ERCC8: variants seen among roughly 807,000 people sequenced by gnomAD.
ERCC8 encodes the protein ERCC excision repair 8, CSA ubiquitin ligase complex subunit.
In ERCC8, 52 loss-of-function variants were observed where a neutral mutation model predicts 54.9. The observed-to-expected ratio is 0.95, with a 90% confidence interval of 0.76 to 1.19. The LOEUF (loss-of-function observed/expected upper bound fraction) is 1.19, where lower values mean the gene tolerates loss of function less well. Ranked by LOEUF, ERCC8 falls within the 50% of genes most tolerant of loss-of-function variation. The probability of loss-of-function intolerance (pLI) is 0.00; values close to 1 mark genes in which losing one functional copy is unlikely to be tolerated. For synonymous variants in ERCC8, 146 were observed against 157.2 expected, an observed-to-expected ratio of 0.93 and a Z score of 0.53; for missense variants, 514 against 466.1, an observed-to-expected ratio of 1.10 and a Z score of -0.95.
chr5:60,913,424 G>C (rs1275571379), intron 4 of ERCC8, among the ~76,000 whole-genome samples: 1 of 151,964 alleles, frequency 6.6e-6, no homozygotes, highest in Non-Finnish European at 1.5e-5. Context: ...TATTTCTGTG[G>C]GATTGGTGGT....
chr5:60,938,090 A>AT (rs1353584586), intron 1 of ERCC8, among the ~76,000 whole-genome samples: 37 of 21,806 alleles, frequency 1.7e-3, no homozygotes, highest in Middle Eastern at 0.029. Context: ...TATATATTTT[A>AT]TTTTTTTTTT....
At chr5:60,929,206 C>G (rs889324926) in intron 1 of ERCC8, among the ~76,000 whole-genome samples, 2 of 152,092 alleles carry the variant, frequency 1.3e-5, no homozygotes, top group African/African-American at 4.8e-5. Flanking sequence ...AAGTTAAATT[C>G]TGATAAATGT....
Position 60,873,473 on chromosome 5 carries a change from G to A in ERCC8, c.*1142C>T, listed in dbSNP as rs868339717. On this transcript the variant is annotated 3_prime_UTR_variant, in exon 12 of 12. Coordinates refer to ENST00000676185, the MANE Select transcript of ERCC8 (RefSeq NM_000082.4). The stretch of plus-strand genomic sequence containing the variant: ...GTGGATCATTTGAGGTCAGCAGTTC[G>A]CAACCAGCCTGGCCAACATGGTGAA... 5.7e-4 allele frequency among the ~76,000 whole-genome samples: 87 copies of A among 152,000 alleles called. No homozygotes were observed. Among genetic ancestry groups the A allele is most frequent in the Middle Eastern group, 3.2e-3 (1 of 316 alleles).
In ERCC8 at chr5:60,892,438, G is replaced by C. The variant is rs1748590223; in HGVS notation, c.844-1352C>G. 15 of 557,170 alleles carry C rather than the reference G, an allele frequency of 2.7e-5. 1 individual carries two copies. The highest frequency in any genetic ancestry group is 2.2e-4 in the South Asian group (15 of 66,934). The allele number at this position is 557,170 out of a possible 1,614,324, so 34.5% of individuals were successfully genotyped here. ...TCATTTCCTTAATTCTCAGCACTGAGATGGGCAGGCAGAGTGTGAGTGGGT... is the reference window on the plus strand; with the variant it reads ...TCATTTCCTTAATTCTCAGCACTGACATGGGCAGGCAGAGTGTGAGTGGGT... On this transcript the variant is annotated intron_variant, in intron 9 of 11. Transcript: ENST00000676185.
chr5:60,906,877 G>T (rs993651484), intron 4 of ERCC8, among the ~76,000 whole-genome samples: 9 of 152,146 alleles, frequency 5.9e-5, no homozygotes, highest in African/African-American at 2.2e-4. Flanking sequence ...AAGAGGGGGT[G>T]GTGGCTAGAT....
At chr5:60,894,543 G>A (rs1441731603) in intron 9 of ERCC8, among the ~76,000 whole-genome samples, 2 of 152,064 alleles carry the variant, frequency 1.3e-5, no homozygotes, top group Non-Finnish European at 2.9e-5. Flanking sequence ...ATGTATTTGG[G>A]ACAAAAATTA....
At position 60,873,671 on chromosome 5, in the gene ERCC8, C is replaced by T. The variant is rs1747914456; in HGVS notation, c.*944G>A. Among the ~76,000 whole-genome samples the T allele has an allele frequency of 6.6e-6, 1 of 151,950 alleles. No homozygotes were observed. Among genetic ancestry groups the T allele is most frequent in the South Asian group, 2.1e-4 (1 of 4,804 alleles). ...CGGCCTGAGCGACAGAGTGAAACTC[C>T]ATCTCAGGAAAAAAACAAAAAAACA... On this transcript the variant is annotated 3_prime_UTR_variant, in exon 12 of 12. Coordinates refer to ENST00000676185, the MANE Select transcript of ERCC8 (RefSeq NM_000082.4).
At chr5:60,906,131 G>A (rs543892777) in intron 4 of ERCC8, among the ~76,000 whole-genome samples, 2 of 152,244 alleles carry the variant, frequency 1.3e-5, no homozygotes, top group East Asian at 1.9e-4. Context: ...TTGTGCCTCC[G>A]GAATAATGGC....
At chr5:60,939,502 T>C (rs1016733198) in intron 1 of ERCC8, among the ~76,000 whole-genome samples, 1 of 152,068 alleles carries the variant, frequency 6.6e-6, no homozygotes, top group African/African-American at 2.4e-5. Context: ...TTAGATAACT[T>C]TTAGTTGCTT....
At chr5:60,927,394 A>T (rs1237430124) in intron 2 of ERCC8, among the ~76,000 whole-genome samples, 1 of 152,232 alleles carries the variant, frequency 6.6e-6, no homozygotes, top group Non-Finnish European at 1.5e-5. Flanking sequence ...TGCAAAATAC[A>T]AGTCTTAGCA....
intron 1 of ERCC8, among the ~76,000 whole-genome samples, chr5:60,931,375 T>G (rs947395579): frequency 1.3e-5 from 2 of 152,170 alleles, no homozygotes; most frequent in African/African-American, 4.8e-5. Context: ...GGCAAAATCA[T>G]AGTTCACTAT....
At chr5:60,928,512 A>G (rs1441719090) in intron 2 of ERCC8, among the ~76,000 whole-genome samples, 1 of 152,184 alleles carries the variant, frequency 6.6e-6, no homozygotes, top group African/African-American at 2.4e-5. Context: ...TTCACTTTTT[A>G]TATTTATTTT....
chr5:60,887,068 A>C (rs1325509848), intron 11 of ERCC8, among the ~76,000 whole-genome samples: 2 of 152,246 alleles, frequency 1.3e-5, no homozygotes, highest in African/African-American at 2.4e-5. Context: ...AAACATATGC[A>C]TAGGAAAAAA....
At chr5:60,922,578 C>T (rs556800134) in intron 2 of ERCC8, among the ~76,000 whole-genome samples, 2 of 152,128 alleles carry the variant, frequency 1.3e-5, no homozygotes, top group South Asian at 4.1e-4. Context: ...GTCTAAGACT[C>T]AACATTTGTA....
chr5:60,898,266 A>G lies in ERCC8; in HGVS notation c.843+10T>C. 6.2e-7 allele frequency: 1 copy of G among 1,612,836 alleles called. No homozygotes were observed. The highest frequency in any genetic ancestry group is 8.5e-7 in the Non-Finnish European group (1 of 1,179,076). ...ATTTATACCCAAATATATACTTAAAAATCTCTTACAAGTGTGTTTTCTCCA... is the reference window on the plus strand; with the variant it reads ...ATTTATACCCAAATATATACTTAAAGATCTCTTACAAGTGTGTTTTCTCCA... On this transcript the variant is annotated intron_variant, in intron 9 of 11. Coordinates refer to ENST00000676185, the MANE Select transcript of ERCC8 (RefSeq NM_000082.4).
intron 11 of ERCC8, among the ~76,000 whole-genome samples, chr5:60,882,028 A>G (rs547638439): frequency 4.1e-4 from 62 of 152,226 alleles, no homozygotes; most frequent in African/African-American, 1.5e-3. Context: ...TTTTTAGTAG[A>G]GACGGGGTTT....
At chr5:60,939,633 T>G (rs1260551719) in intron 1 of ERCC8, among the ~76,000 whole-genome samples, 6 of 151,972 alleles carry the variant, frequency 3.9e-5, no homozygotes, top group Non-Finnish European at 8.8e-5. Flanking sequence ...TACAGGCACC[T>G]GCCACCGCAC....
intron 6 of ERCC8, among the ~76,000 whole-genome samples, chr5:60,902,828 A>C (rs1469508975): frequency 1.3e-5 from 2 of 152,052 alleles, no homozygotes; most frequent in Non-Finnish European, 2.9e-5. Flanking sequence ...ACTGTAATAA[A>C]ACATATAAGA....
At chr5:60,921,117 C>T (rs1749587948) in intron 3 of ERCC8, among the ~76,000 whole-genome samples, 1 of 151,718 alleles carries the variant, frequency 6.6e-6, no homozygotes. Context: ...CTCATAGAAA[C>T]GTATAAGAAC....
Sources: gnomAD v4.1 joint callset for allele counts (sites outside exome capture counted in the v4.1 genomes callset) on GRCh38, gnomAD v4.1.1 for gene constraint, MANE v1.5 for transcripts, NCBI Gene and HGNC (gene_info 2026-07-23, HGNC 2026-07-21) for gene names.